ALMS1: variants seen among roughly 807,000 people sequenced by gnomAD.
The protein encoded by ALMS1 is centrosome-associated protein ALMS1.
Under a neutral mutation model 352.2 loss-of-function variants are expected in ALMS1, and 271 were observed. The ratio of observed to expected loss-of-function variants is 0.77; its 90% CI spans 0.70 to 0.85. The LOEUF (loss-of-function observed/expected upper bound fraction) is 0.85, where lower values mean the gene tolerates loss of function less well. Ranked by LOEUF, ALMS1 falls within the 40% of genes least tolerant of loss-of-function variation. The pLI, the probability that ALMS1 is intolerant of heterozygous loss-of-function variation, is 0.00. For missense variants in ALMS1, 5,445 were observed against 4,870.7 expected (o/e 1.12, Z -3.51); for synonymous variants, 1,865 against 1,761.2 (o/e 1.06, Z -1.48).
At chr2:73,586,541 A>G (rs529160592) in intron 16 of ALMS1, among the ~76,000 whole-genome samples, 72 of 152,282 alleles carry the variant, frequency 4.7e-4, no homozygotes, top group African/African-American at 1.7e-3. Context: ...TGCTTTGTCA[A>G]AGATCAGTTG....
At chr2:73,583,097 G>A (rs1159033227) in intron 16 of ALMS1, among the ~76,000 whole-genome samples, 2 of 149,972 alleles carry the variant, frequency 1.3e-5, no homozygotes, top group African/African-American at 4.9e-5. Context: ...GTTTTGATTT[G>A]CATTGCTCTT....
chr2:73,549,677 A>G (rs1242853411), intron 12 of ALMS1, among the ~76,000 whole-genome samples: 1 of 152,098 alleles, frequency 6.6e-6, no homozygotes, highest in African/African-American at 2.4e-5. Flanking sequence ...CAAAACCATC[A>G]TGAGCTGGAA....
Position 73,599,274 on chromosome 2 carries a change from G to A in ALMS1, c.11548-127G>A, listed in dbSNP as rs181663860. 4.7e-4 allele frequency: 583 copies of A among 1,250,910 alleles called. 1 individual carries two copies. The African/African-American group carries it at 4.9e-3, about 11-fold the overall frequency. The allele number at this position is 1,250,910 out of a possible 1,614,324, so 77.5% of individuals were successfully genotyped here. On this transcript the variant is annotated intron_variant, in intron 16 of 22. Transcript: ENST00000613296. ...AGGCAGCAAGTTCACAGTATCTCAA[G>A]CTTCCTCCAAATGCATCTCAACAGT...
intron 16 of ALMS1, among the ~76,000 whole-genome samples, chr2:73,589,559 A>G (rs1411592515): frequency 2.0e-5 from 3 of 152,218 alleles, no homozygotes; most frequent in Non-Finnish European, 4.4e-5. Context: ...TTCTTACAAA[A>G]TACATATTTT....
intron 16 of ALMS1, among the ~76,000 whole-genome samples, chr2:73,575,816 T>C (rs950099515): frequency 6.6e-6 from 1 of 151,686 alleles, no homozygotes; most frequent in Non-Finnish European, 1.5e-5. Flanking sequence ...TTCTGACATA[T>C]AGAAGTTTTA....
intron 21 of ALMS1, 160 bp downstream of exon 21, chr2:73,603,464 A>AG (rs1675746002): frequency 7.3e-6 from 5 of 688,496 alleles, no homozygotes; most frequent in Non-Finnish European, 1.3e-5. Flanking sequence ...GAAAAAAAAA[A>AG]AAGCACATCA....
intron 16 of ALMS1, among the ~76,000 whole-genome samples, chr2:73,582,737 A>G (rs1265191391): frequency 6.6e-6 from 1 of 152,144 alleles, no homozygotes; most frequent in Non-Finnish European, 1.5e-5. Context: ...ATGATATTCT[A>G]CTGTTTACAT....
In ALMS1 at chr2:73,489,698, A is replaced by G. The variant is rs2103889306; in HGVS notation, c.7739A>G (p.Glu2580Gly). The change falls in exon 10 of 23, where the codon GAG becomes GGG. Residue 2580 changes from glutamate to glycine, a missense_variant. Transcript: ENST00000613296. ...GCTGTATGTAGTCACATTATTATTG[A>G]GAGCCATGAAAAGGGATGTTTCCGG... is the stretch of plus-strand genomic sequence containing the variant. The part of the protein sequence containing the change: ...PEAVCSHIII[E>G]SHEKGCFRTL... 1 of 1,614,100 alleles carries G rather than the reference A, an allele frequency of 6.2e-7. No homozygotes were observed. The highest frequency in any genetic ancestry group is 8.5e-7 in the Non-Finnish European group (1 of 1,180,018).
chr2:73,569,484 A>G (rs949478004), intron 15 of ALMS1, among the ~76,000 whole-genome samples: 5 of 152,130 alleles, frequency 3.3e-5, no homozygotes, highest in East Asian at 3.9e-4. Flanking sequence ...TAGGCCTTCA[A>G]ATTTTTGCTT....
intron 9 of ALMS1, among the ~76,000 whole-genome samples, chr2:73,461,916 A>G (rs988066714): frequency 9.9e-5 from 15 of 152,056 alleles, no homozygotes; most frequent in Non-Finnish European, 2.1e-4. Flanking sequence ...AAAAGAATAA[A>G]AAGAAACGAA....
At chr2:73,389,267 C>A (rs1208877127) in intron 1 of ALMS1, among the ~76,000 whole-genome samples, 1 of 151,882 alleles carries the variant, frequency 6.6e-6, no homozygotes, top group African/African-American at 2.4e-5. Flanking sequence ...AGTCTTTTGC[C>A]CGCTTTTTAG....
At chr2:73,530,978 A>G (rs1360417102) in intron 11 of ALMS1, among the ~76,000 whole-genome samples, 3 of 151,656 alleles carry the variant, frequency 2.0e-5, no homozygotes, top group East Asian at 1.9e-4. Flanking sequence ...CCACAAAACC[A>G]TTTTTCCCTC....
At chr2:73,569,912 T>C (rs1674883444) in intron 15 of ALMS1, among the ~76,000 whole-genome samples, 1 of 152,214 alleles carries the variant, frequency 6.6e-6, no homozygotes, top group Non-Finnish European at 1.5e-5. Flanking sequence ...CATTGAAAAT[T>C]GCTAAATAGA....
chr2:73,565,045 T>C (rs1674774474), intron 15 of ALMS1, among the ~76,000 whole-genome samples: 1 of 152,194 alleles, frequency 6.6e-6, no homozygotes, highest in Admixed American at 6.5e-5. Flanking sequence ...CGGATGCAAA[T>C]GCACATCTCT....
chr2:73,608,518 G>A lies in ALMS1; in HGVS notation c.12406G>A (p.Glu4136Lys), dbSNP rs1233634389. 2.5e-6 allele frequency: 4 copies of A among 1,614,076 alleles called. No individual in the cohort carries two copies. The highest frequency in any genetic ancestry group is 4.5e-5 in the East Asian group (2 of 44,878). ...LPEVQKKREE[E>K]KRKSEYKSYR... is the part of the protein sequence containing the mutation. The stretch of plus-strand genomic sequence containing the variant: ...AGAAGTACAGAAAAAGAGAGAAGAA[G>A]AGAAGAGAAAATCAGAATATAAGTC... The change falls in exon 22 of 23, where the codon GAG (glutamate) becomes AAG (lysine). Residue 4136 changes from glutamate to lysine, a missense_variant. Transcript: ENST00000613296.
chr2:73,591,452 CCAAT>C (rs1240817582), intron 16 of ALMS1, among the ~76,000 whole-genome samples: 2 of 152,046 alleles, frequency 1.3e-5, no homozygotes, highest in African/African-American at 2.4e-5. Context: ...AAGCTAGACT[CCAAT>C]CAGTTAGAAT....
intron 1 of ALMS1, among the ~76,000 whole-genome samples, chr2:73,403,543 AT>A (rs1301256201): frequency 1.3e-5 from 2 of 150,826 alleles, no homozygotes; most frequent in African/African-American, 2.4e-5. Context: ...TGAATTTTAG[AT>A]TTTTTTTTCT....
At chr2:73,551,467 G>A (rs1460564819) in intron 13 of ALMS1, among the ~76,000 whole-genome samples, 3 of 126,368 alleles carry the variant, frequency 2.4e-5, no homozygotes, top group African/African-American at 6.2e-5. Flanking sequence ...TTGGAGTTGC[G>A]ATCTTGTTGC....
chr2:73,490,535 C>G lies in ALMS1; in HGVS notation c.8576C>G (p.Ser2859Trp), dbSNP rs538382027. Reference sequence around the variant, plus strand: ...AGTTCCACCCTAGGAGTAAACAGATCGAGTTCCAGACTAGGAGTAAAAGAG... The same window carrying G: ...AGTTCCACCCTAGGAGTAAACAGATGGAGTTCCAGACTAGGAGTAAAAGAG... ...RPSSTLGVNR[S>W]SSRLGVKEKN... The change falls in exon 10 of 23, where the codon TCG (serine) becomes TGG (tryptophan). Residue 2859 changes from serine to tryptophan, a missense_variant. Ser to Trp is a radical substitution (Grantham distance 177). Transcript: ENST00000613296. 1.2e-6 allele frequency: 2 copies of G among 1,613,992 alleles called. No homozygotes were observed. The highest frequency in any genetic ancestry group is 1.1e-5 in the South Asian group (1 of 91,078).
Sources: allele counts gnomAD v4.1 joint callset (sites outside exome capture counted in the v4.1 genomes callset), GRCh38; gene constraint gnomAD v4.1.1; transcripts MANE v1.5; gene names NCBI Gene and HGNC (gene_info 2026-07-23, HGNC 2026-07-21).